Variants in MEGF11 observed in about 807,000 individuals in gnomAD.
The protein encoded by MEGF11 is multiple epidermal growth factor-like domains protein 11.
A neutral mutation model predicts 146.6 loss-of-function variants in MEGF11; 126 were observed. That is an observed-to-expected ratio of 0.86 (90% CI 0.74 to 1.00). MEGF11 has a LOEUF of 1.00. Ranked by LOEUF, MEGF11 falls within the 50% of genes least tolerant of loss-of-function variation. MEGF11 has a pLI of 0.00. For missense variants in MEGF11, 1,509 were observed against 1,521.2 expected (o/e 0.99, Z 0.13); for synonymous variants, 532 against 583.4 (o/e 0.91, Z 1.27).
chr15:66,154,735 A>AG (rs891391766), intron 1 of MEGF11, among the ~76,000 whole-genome samples: 15 of 152,136 alleles, frequency 9.9e-5, no homozygotes, highest in Admixed American at 2.0e-4. Context: ...TTTAACAACT[A>AG]GGGGGGCAAA....
chr15:66,058,000 T>TGACATGGG, intron 5 of MEGF11, among the ~76,000 whole-genome samples: 1 of 152,334 alleles, frequency 6.6e-6, no homozygotes, highest in Non-Finnish European at 1.5e-5. Flanking sequence ...AATTTAGAAA[T>TGACATGGG]GACATGGGGA....
Position 66,180,972 on chromosome 15 carries a change from G to A in MEGF11, c.-8-52561C>T, listed in dbSNP as rs572903433. 9.9e-5 allele frequency among the ~76,000 whole-genome samples: 15 copies of A among 152,232 alleles called. No individual in the cohort carries two copies. The South Asian group carries it at 2.1e-3, about 21-fold the overall frequency. On this transcript the variant is annotated intron_variant, in intron 1 of 25. Transcript: ENST00000395614. Reference sequence around the variant, plus strand: ...CAGCTGACCACTCACCAGCTCCTCCGGCTGCGCTCATTTACATCTTATGCG... The same window carrying A: ...CAGCTGACCACTCACCAGCTCCTCCAGCTGCGCTCATTTACATCTTATGCG...
At chr15:66,032,104 C>G (rs952852977) in intron 5 of MEGF11, among the ~76,000 whole-genome samples, 36 of 152,196 alleles carry the variant, frequency 2.4e-4, no homozygotes, top group Non-Finnish European at 3.4e-4. Flanking sequence ...ACAGTTCCAT[C>G]CTGAAACCAT....
intron 5 of MEGF11, among the ~76,000 whole-genome samples, chr15:66,033,765 T>G (rs1490353575): frequency 7.0e-6 from 1 of 143,358 alleles, no homozygotes; most frequent in East Asian, 2.6e-4. Flanking sequence ...TTTTCCCTGT[T>G]GGTTTTGGAT....
intron 5 of MEGF11, among the ~76,000 whole-genome samples, chr15:66,029,155 T>G (rs28501389): frequency 0.052 from 7,818 of 150,992 alleles, 301 homozygotes; most frequent in African/African-American, 0.11. Context: ...AGAATTGCCT[T>G]GTTTTTTTTT....
intron 5 of MEGF11, among the ~76,000 whole-genome samples, chr15:65,985,132 A>C (rs144480968): frequency 2.2e-3 from 333 of 152,314 alleles, no homozygotes; most frequent in Non-Finnish European, 3.7e-3. Context: ...TACATACATG[A>C]CTAAAATTTA....
At chr15:65,986,945 A>AT (rs2081882613) in intron 5 of MEGF11, among the ~76,000 whole-genome samples, 1 of 151,448 alleles carries the variant, frequency 6.6e-6, no homozygotes, top group Admixed American at 6.6e-5. Context: ...TTACTGGCTG[A>AT]TTTTTTAAGT....
chr15:66,245,226 A>G (rs1350798218), intron 1 of MEGF11, among the ~76,000 whole-genome samples: 2 of 152,174 alleles, frequency 1.3e-5, no homozygotes, highest in Non-Finnish European at 1.5e-5. Context: ...GGGACTGGGG[A>G]GGCAGGATGC....
At chr15:66,025,179 A>G (rs185671762) in intron 5 of MEGF11, among the ~76,000 whole-genome samples, 610 of 152,348 alleles carry the variant, frequency 4.0e-3, no homozygotes, top group Non-Finnish European at 6.8e-3. Flanking sequence ...TCTTCCAGCA[A>G]GTCTATGCAA....
chr15:66,115,862 C>G lies in MEGF11; in HGVS notation c.301+3224G>C, dbSNP rs1299819129. Among the ~76,000 whole-genome samples, 4 of 152,334 alleles carry G rather than the reference C, an allele frequency of 2.6e-5. No individual in the cohort carries two copies. In the East Asian group the frequency reaches 7.7e-4, roughly 29 times the overall value. On this transcript the variant is annotated intron_variant, in intron 4 of 25. Coordinates refer to ENST00000395614, the MANE Select transcript of MEGF11 (RefSeq NM_001385028.1). ...AAACTACCAGAAGCAAGGAGAGAGG[C>G]TGGAACAGACCCTTCGCCCAGCCCC...
At chr15:66,136,281 T>G (rs74021642) in intron 1 of MEGF11, among the ~76,000 whole-genome samples, 5,647 of 152,284 alleles carry the variant, frequency 0.037, 377 homozygotes, top group African/African-American at 0.13. Context: ...GGATCCTTAG[T>G]TGCTGCCCAC....
intron 5 of MEGF11, among the ~76,000 whole-genome samples, chr15:65,993,822 T>C (rs1473519581): frequency 6.6e-6 from 1 of 152,210 alleles, no homozygotes; most frequent in African/African-American, 2.4e-5. Flanking sequence ...CATTTCCCCA[T>C]CATTCCCCTT....
At chr15:66,131,875 T>C (rs1200122568) in intron 1 of MEGF11, among the ~76,000 whole-genome samples, 1 of 152,116 alleles carries the variant, frequency 6.6e-6, no homozygotes, top group Non-Finnish European at 1.5e-5. Flanking sequence ...AAGAGCGGTG[T>C]TCCTGATGAT....
intron 1 of MEGF11, among the ~76,000 whole-genome samples, chr15:66,235,609 C>T (rs1275836950): frequency 1.3e-5 from 2 of 152,152 alleles, no homozygotes; most frequent in Non-Finnish European, 1.5e-5. Flanking sequence ...GGATCATCCT[C>T]GTTTCTCAAG....
At chr15:65,915,400 G>A in intron 19 of MEGF11, 70 bp downstream of exon 19, 1 of 1,559,784 alleles carries the variant, frequency 6.4e-7, no homozygotes, top group Non-Finnish European at 8.7e-7. Context: ...AGCTGTTCGA[G>A]TTGGAATCTC....
intron 5 of MEGF11, among the ~76,000 whole-genome samples, chr15:66,059,249 C>T (rs773623381): frequency 5.3e-5 from 8 of 152,224 alleles, no homozygotes; most frequent in Admixed American, 1.3e-4. Flanking sequence ...ATCCTCACCA[C>T]GAGGAAGTTC....
chr15:66,068,573 T>C (rs1165354115), intron 5 of MEGF11, among the ~76,000 whole-genome samples: 1 of 152,120 alleles, frequency 6.6e-6, no homozygotes, highest in Non-Finnish European at 1.5e-5. Flanking sequence ...ACAAAGCAAG[T>C]TAGTGGCAGA....
At chr15:66,110,442 C>T (rs2087333051) in intron 4 of MEGF11, among the ~76,000 whole-genome samples, 3 of 152,284 alleles carry the variant, frequency 2.0e-5, no homozygotes, top group Middle Eastern at 3.4e-3. Flanking sequence ...TAACTTTGAC[C>T]TCTCAGTGGG....
chr15:66,025,671 G>C (rs188569478), intron 5 of MEGF11, among the ~76,000 whole-genome samples: 1 of 152,086 alleles, frequency 6.6e-6, no homozygotes. Flanking sequence ...CCTTAGGAAC[G>C]GACCATACCT....
Sources: gnomAD v4.1 joint callset for allele counts (sites outside exome capture counted in the v4.1 genomes callset) on GRCh38, gnomAD v4.1.1 for gene constraint, MANE v1.5 for transcripts, NCBI Gene and HGNC (gene_info 2026-07-23, HGNC 2026-07-21) for gene names.